EYS: variants seen among roughly 807,000 people sequenced by gnomAD.
The protein encoded by EYS is protein eyes shut homolog.
In EYS, 250 loss-of-function variants were observed where a neutral mutation model predicts 282.1. The ratio of observed to expected loss-of-function variants is 0.89; its 90% confidence interval spans 0.80 to 0.98. The LOEUF is 0.98. Ranked by LOEUF, EYS falls within the 50% of genes least tolerant of loss-of-function variation. The probability of loss-of-function intolerance (pLI) is 0.00; values close to 1 mark genes in which losing one functional copy is unlikely to be tolerated. For missense variants in EYS, 4,016 were observed against 3,709.0 expected, an observed-to-expected ratio of 1.08 and a Z score of -2.15; for synonymous variants, 1,355 against 1,282.9, an observed-to-expected ratio of 1.06 and a Z score of -1.20.
At chr6:63,794,027 A>G (rs1158353063) in intron 37 of EYS, among the ~76,000 whole-genome samples, 1 of 152,202 alleles carries the variant, frequency 6.6e-6, no homozygotes, top group Non-Finnish European at 1.5e-5. Flanking sequence ...AACACTGTCC[A>G]TGCAGCAGAG....
chr6:64,081,982 A>G lies in EYS; in HGVS notation c.6445T>C (p.Ser2149Pro), dbSNP rs1487296291. ...CEKDAGLFFPSFNGNSYLELP... is the reference protein window; with the variant it reads ...CEKDAGLFFPPFNGNSYLELP... ...TCTAAATAGGAATTCCCATTGAAAG[A>G]TGGAAAGAATAAACCTGCATCTAAA... The change falls in exon 32 of 43, where the codon TCT becomes CCT. Residue 2149 changes from serine to proline, a missense_variant. Physicochemically the swap from Ser to Pro is moderately conservative, Grantham distance 74. Transcript: ENST00000503581. The G allele has an allele frequency of 2.6e-6, 4 of 1,543,232 alleles. No homozygotes were observed. The South Asian group carries it at 4.8e-5, about 18-fold the overall frequency.
chr6:64,730,399 A>G (rs1179858232), intron 22 of EYS, among the ~76,000 whole-genome samples: 2 of 152,264 alleles, frequency 1.3e-5, no homozygotes, highest in African/African-American at 2.4e-5. Context: ...CTTGTGCTAG[A>G]TGACCTATAT....
At chr6:64,551,313 T>C (rs1379180769) in intron 26 of EYS, among the ~76,000 whole-genome samples, 7 of 151,570 alleles carry the variant, frequency 4.6e-5, no homozygotes, top group African/African-American at 1.7e-4. Context: ...TTTTTAAATG[T>C]CAGAGGAATC....
At chr6:64,923,740 C>T (rs763094351) in intron 15 of EYS, among the ~76,000 whole-genome samples, 1 of 152,166 alleles carries the variant, frequency 6.6e-6, no homozygotes, top group Non-Finnish European at 1.5e-5. Context: ...GTTCAAAATC[C>T]AGCGAGGCAA....
At chr6:64,517,639 C>T (rs1777602019) in intron 26 of EYS, among the ~76,000 whole-genome samples, 1 of 151,658 alleles carries the variant, frequency 6.6e-6, no homozygotes, top group Admixed American at 6.6e-5. Context: ...TTTATCTTGC[C>T]AAGGGAAAGG....
At chr6:64,717,953 A>G (rs1055106727) in intron 22 of EYS, among the ~76,000 whole-genome samples, 1 of 152,216 alleles carries the variant, frequency 6.6e-6, no homozygotes, top group Non-Finnish European at 1.5e-5. Flanking sequence ...TGATGAATGC[A>G]GAGAGGAAAG....
chr6:64,757,269 T>C (rs927629909), intron 22 of EYS, among the ~76,000 whole-genome samples: 1 of 152,150 alleles, frequency 6.6e-6, no homozygotes, highest in Non-Finnish European at 1.5e-5. Flanking sequence ...GTCCTGTTGA[T>C]TTCTCCCTGA....
At chr6:64,868,528 GC>G (rs1399845539) in intron 19 of EYS, among the ~76,000 whole-genome samples, 1 of 151,272 alleles carries the variant, frequency 6.6e-6, no homozygotes, top group Admixed American at 6.6e-5. Context: ...GACTTATGTG[GC>G]TAGACTATTA....
At chr6:64,015,348 T>C (rs1284278845) in intron 33 of EYS, among the ~76,000 whole-genome samples, 1 of 152,158 alleles carries the variant, frequency 6.6e-6, no homozygotes, top group East Asian at 1.9e-4. Context: ...CTGCTTTATA[T>C]AAATAGCAAA....
chr6:64,713,062 G>A (rs912380550), intron 22 of EYS, among the ~76,000 whole-genome samples: 2 of 152,156 alleles, frequency 1.3e-5, no homozygotes, highest in African/African-American at 4.8e-5. Context: ...CTTTTGAAGT[G>A]CAAAACAGCC....
At chr6:65,510,271 G>T (rs1038767539) in intron 2 of EYS, among the ~76,000 whole-genome samples, 7 of 147,618 alleles carry the variant, frequency 4.7e-5, no homozygotes, top group Admixed American at 6.9e-5. Context: ...GCGGTGTTTG[G>T]TTTTTTGTTC....
chr6:64,128,446 A>G (rs1033121641), intron 31 of EYS, among the ~76,000 whole-genome samples: 1 of 152,142 alleles, frequency 6.6e-6, no homozygotes, highest in Non-Finnish European at 1.5e-5. Flanking sequence ...GGAAGATACT[A>G]TCCCTCAGAT....
chr6:63,834,300 C>G (rs1008131629), intron 36 of EYS, among the ~76,000 whole-genome samples: 1 of 152,134 alleles, frequency 6.6e-6, no homozygotes, highest in East Asian at 1.9e-4. Flanking sequence ...AAAATTTTTA[C>G]AATCTACCCA....
rs1768383175 is a variant in EYS, at chr6:63,721,405, C to T, written c.8626G>A (p.Gly2876Arg). The part of the protein sequence containing the change: ...KGGSNVGDCD[G>R]TACGYNTCRN... ...CATGTGTTGTACCCACAGGCTGTCC[C>T]ATCACAGTCACCTACATTTGAGCCA... The change falls in exon 43 of 43, where the codon GGG (glycine) becomes AGG (arginine). Residue 2876 changes from glycine to arginine, a missense_variant. Transcript: ENST00000503581. The T allele has an allele frequency of 1.3e-6, 2 of 1,551,718 alleles. No individual in the cohort carries two copies. Among genetic ancestry groups the T allele is most frequent in the Non-Finnish European group, 1.7e-6 (2 of 1,146,940 alleles).
At chr6:64,447,737 T>C (rs1271563769) in intron 26 of EYS, among the ~76,000 whole-genome samples, 3 of 152,208 alleles carry the variant, frequency 2.0e-5, no homozygotes, top group Admixed American at 2.0e-4. Context: ...ATATAAGTAG[T>C]GGCAGATTAT....
At chr6:64,106,225 T>G (rs1394640983) in intron 31 of EYS, among the ~76,000 whole-genome samples, 1 of 152,142 alleles carries the variant, frequency 6.6e-6, no homozygotes, top group African/African-American at 2.4e-5. Flanking sequence ...TTGAACTTTT[T>G]TTAAAAAAAC....
intron 35 of EYS, among the ~76,000 whole-genome samples, chr6:63,873,738 AT>A (rs555763550): frequency 1.3e-3 from 198 of 152,234 alleles, no homozygotes; most frequent in Non-Finnish European, 1.9e-3. Flanking sequence ...TTTGATTTGC[AT>A]TTCTCTGATG....
intron 26 of EYS, among the ~76,000 whole-genome samples, chr6:64,513,201 A>G (rs1289961721): frequency 6.6e-6 from 1 of 151,940 alleles, no homozygotes; most frequent in African/African-American, 2.4e-5. Context: ...ATAGATAATT[A>G]AAAATTCATA....
intron 31 of EYS, among the ~76,000 whole-genome samples, chr6:64,116,063 T>C (rs567063817): frequency 6.6e-6 from 1 of 151,680 alleles, no homozygotes; most frequent in Admixed American, 6.6e-5. Context: ...TAAAGAGATA[T>C]CACAAAAAAG....
Sources: allele counts gnomAD v4.1 joint callset (sites outside exome capture counted in the v4.1 genomes callset), GRCh38; gene constraint gnomAD v4.1.1; transcripts MANE v1.5; gene names NCBI Gene and HGNC (gene_info 2026-07-23, HGNC 2026-07-21).